VPS13D: variants seen among roughly 807,000 people sequenced by gnomAD.
The protein encoded by VPS13D is vacuolar protein sorting 13 homolog D.
In VPS13D, 187 loss-of-function variants were observed where a neutral mutation model predicts 461.9. That is an observed-to-expected ratio of 0.40 (90% CI 0.36 to 0.46). The LOEUF is 0.46. VPS13D is among the 20% of genes least tolerant of loss of function. The pLI is 0.60. For synonymous variants in VPS13D, 1,951 were observed against 1,986.3 expected (o/e 0.98, Z 0.47); for missense variants, 4,711 against 5,364.9 (o/e 0.88, Z 3.81).
In VPS13D at chr1:12,249,231, T is replaced by G. The variant is rs748913386; in HGVS notation, c.456T>G (p.Ile152Met). ...TRIVENIELKIQDVHLRFEDG... is the reference protein window; with the variant it reads ...TRIVENIELKMQDVHLRFEDG... ...CTTTTTTCTCTTTGCAGTTAAAAATTCAAGATGTCCATTTACGCTTTGAAG... is the reference window on the plus strand; with the variant it reads ...CTTTTTTCTCTTTGCAGTTAAAAATGCAAGATGTCCATTTACGCTTTGAAG... Residue 152 changes from isoleucine (I) to methionine (M), a missense_variant, in exon 6 of 70, where the codon ATT becomes ATG. This residue lies in a region of VPS13D where 4,411 missense variants were observed against 4,937.8 expected (regional missense o/e 0.89). Transcript: ENST00000620676. 1.2e-6 allele frequency: 2 copies of G among 1,611,766 alleles called. No individual in the cohort carries two copies. The highest frequency in any genetic ancestry group is 2.2e-5 in the South Asian group (2 of 90,192).
At chr1:12,403,488 C>G (rs1644607025) in intron 62 of VPS13D, among the ~76,000 whole-genome samples, 1 of 152,228 alleles carries the variant, frequency 6.6e-6, no homozygotes, top group African/African-American at 2.4e-5. Context: ...TTTAGATAAT[C>G]TGGGTCATTG....
Position 12,279,681 on chromosome 1 carries a change from A to G in VPS13D, c.4602+31A>G. ...TTCATGTCAGGGCAGTTGAAGTCATATGTTTATATTAGTACTCTATAAATA... is the reference window on the plus strand; with the variant it reads ...TTCATGTCAGGGCAGTTGAAGTCATGTGTTTATATTAGTACTCTATAAATA... On this transcript the variant is annotated intron_variant, in intron 20 of 69. Coordinates refer to ENST00000620676, the MANE Select transcript of VPS13D (RefSeq NM_015378.4). The surrounding 1 kb of genome is among the most constrained non-coding windows in gnomAD (Gnocchi z 4.3). 6.3e-7 allele frequency: 1 copy of G among 1,590,858 alleles called. No homozygotes were observed. The highest frequency in any genetic ancestry group is 8.6e-7 in the Non-Finnish European group (1 of 1,163,846).
intron 18 of VPS13D, among the ~76,000 whole-genome samples, chr1:12,274,561 C>T (rs982996954): frequency 2.0e-5 from 3 of 152,166 alleles, no homozygotes; most frequent in Non-Finnish European, 4.4e-5. Flanking sequence ...ATCTGCCTGT[C>T]TTAGTCTCCC....
chr1:12,467,307 G>A (rs544419589), intron 67 of VPS13D, among the ~76,000 whole-genome samples: 4 of 152,326 alleles, frequency 2.6e-5, no homozygotes, highest in African/African-American at 9.6e-5. Flanking sequence ...AAGTAGCTGG[G>A]ATGGCAGGCG....
At chr1:12,285,808 A>C (rs761307602) in intron 21 of VPS13D, among the ~76,000 whole-genome samples, 11 of 152,112 alleles carry the variant, frequency 7.2e-5, no homozygotes, top group Admixed American at 2.6e-4. Flanking sequence ...GGTTTAAGAA[A>C]CTTCTTGTCT....
chr1:12,414,984 C>T (rs1461011584), intron 63 of VPS13D, 103 bp from the exon 64 acceptor site: 11 of 1,382,130 alleles, frequency 8.0e-6, no homozygotes, highest in East Asian at 7.1e-5. Flanking sequence ...GACCCTCATT[C>T]GAAAGTTAAC....
intron 2 of VPS13D, among the ~76,000 whole-genome samples, chr1:12,234,775 T>A (rs999499570): frequency 2.0e-5 from 3 of 152,190 alleles, no homozygotes; most frequent in African/African-American, 7.2e-5. Context: ...TAGACAGAGA[T>A]AATATACCTC....
intron 57 of VPS13D, among the ~76,000 whole-genome samples, chr1:12,382,048 T>G (rs530517026): frequency 6.6e-6 from 1 of 150,762 alleles, no homozygotes; most frequent in South Asian, 2.1e-4. Flanking sequence ...TCTTTCTTTC[T>G]TTCTTCCCTT....
chr1:12,237,308 G>A (rs1640184609), intron 2 of VPS13D, among the ~76,000 whole-genome samples: 2 of 149,722 alleles, frequency 1.3e-5, no homozygotes, highest in South Asian at 4.2e-4. Flanking sequence ...TGGGCAATAT[G>A]GTGAGATCCC....
intron 24 of VPS13D, among the ~76,000 whole-genome samples, chr1:12,298,073 T>TA (rs1320203930): frequency 1.3e-5 from 2 of 152,184 alleles, no homozygotes; most frequent in African/African-American, 4.8e-5. Flanking sequence ...GTTGATGTGG[T>TA]AATAATAATA....
intron 60 of VPS13D, among the ~76,000 whole-genome samples, chr1:12,392,338 G>A (rs1025389915): frequency 2.0e-5 from 3 of 151,658 alleles, no homozygotes; most frequent in Non-Finnish European, 4.4e-5. Context: ...AAGATTATCC[G>A]GGCAGTGGCG....
chr1:12,317,993 C>G, intron 30 of VPS13D, 79 bp from the exon 31 acceptor site: 2 of 1,450,962 alleles, frequency 1.4e-6, no homozygotes, highest in Non-Finnish European at 9.3e-7. Flanking sequence ...CCTGCCAAAA[C>G]TGAGCAGTAC....
chr1:12,376,847 A>G (rs1198091925), intron 55 of VPS13D, among the ~76,000 whole-genome samples: 1 of 152,110 alleles, frequency 6.6e-6, no homozygotes, highest in Non-Finnish European at 1.5e-5. Flanking sequence ...GGAATGATAC[A>G]GATTGTGCTA....
chr1:12,368,802 G>A (rs950028388), intron 53 of VPS13D, among the ~76,000 whole-genome samples: 3 of 152,214 alleles, frequency 2.0e-5, no homozygotes, highest in African/African-American at 7.2e-5. Flanking sequence ...GCCTTGTCCA[G>A]GCAGAAGTAA....
At chr1:12,298,538 G>A (rs1355266736) in intron 24 of VPS13D, among the ~76,000 whole-genome samples, 1 of 151,978 alleles carries the variant, frequency 6.6e-6, no homozygotes, top group Non-Finnish European at 1.5e-5. Context: ...TACTCGGGAG[G>A]CTGAGGCATG....
At chr1:12,308,678 C>T (rs749788454) in intron 27 of VPS13D, 37 bp downstream of exon 27, 1 of 1,594,628 alleles carries the variant, frequency 6.3e-7, no homozygotes, top group Non-Finnish European at 8.6e-7. Context: ...TGGAGTCTCG[C>T]TCTGTTCACC....
At position 12,306,467 on chromosome 1, in the gene VPS13D, C is replaced by T. The variant is rs566695140; in HGVS notation, c.6439+1739C>T. On this transcript the variant is annotated intron_variant, in intron 26 of 69. Transcript: ENST00000620676. ...GTGCTTGCCGCCACTGATGTTATGA[C>T]GTCTGTGATGATTAGGAACAAGGCC... Among the ~76,000 whole-genome samples, 13 of 152,258 alleles carry T rather than the reference C, an allele frequency of 8.5e-5. No individual in the cohort carries two copies. In the South Asian group the frequency reaches 1.2e-3, roughly 15 times the overall value.
chr1:12,427,831 A>G (rs1644941994), intron 65 of VPS13D, among the ~76,000 whole-genome samples: 2 of 152,178 alleles, frequency 1.3e-5, no homozygotes, highest in African/African-American at 2.4e-5. Context: ...GGGTTTTCCA[A>G]TGCCAGTGTT....
chr1:12,317,523 A>G (rs1265199920), intron 30 of VPS13D, among the ~76,000 whole-genome samples: 1 of 151,632 alleles, frequency 6.6e-6, no homozygotes, highest in African/African-American at 2.4e-5. Flanking sequence ...CCTGGCCTCT[A>G]CCTATACTAG....
Sources: gnomAD v4.1 joint callset for allele counts (sites outside exome capture counted in the v4.1 genomes callset) on GRCh38, gnomAD v4.1.1 for gene constraint, gnomAD v4.1.1 regional missense constraint, Gnocchi (gnomAD v3.1) non-coding constraint, MANE v1.5 for transcripts, NCBI Gene and HGNC (gene_info 2026-07-23, HGNC 2026-07-21) for gene names.